RASGEF1A: variants seen among roughly 807,000 people sequenced by gnomAD.
RASGEF1A encodes RasGEF domain family member 1A.
Under a neutral mutation model 56.4 loss-of-function variants are expected in RASGEF1A, and 18 were observed. The ratio of observed to expected loss-of-function variants is 0.32; its 90% CI spans 0.22 to 0.47. The LOEUF (loss-of-function observed/expected upper bound fraction) is 0.47. Ranked by LOEUF, RASGEF1A falls within the 20% of genes least tolerant of loss-of-function variation. The pLI, the probability that RASGEF1A is intolerant of heterozygous loss-of-function variation, is 1.00. For synonymous variants in RASGEF1A, 245 were observed against 242.6 expected, an observed-to-expected ratio of 1.01 and a Z score of -0.09; for missense variants, 422 against 627.1, an observed-to-expected ratio of 0.67 and a Z score of 3.49.
intron 9 of RASGEF1A, 114 bp from the exon 10 acceptor site, chr10:43,198,309 G>C: frequency 1.0e-6 from 1 of 960,774 alleles, no homozygotes; most frequent in Admixed American, 2.9e-5. Flanking sequence ...CTGGCCCCTG[G>C]GCAGCCTGGG....
intron 1 of RASGEF1A, among the ~76,000 whole-genome samples, chr10:43,240,517 G>C (rs1414040089): frequency 6.6e-6 from 1 of 152,180 alleles, no homozygotes; most frequent in South Asian, 2.1e-4. Context: ...TATCAATAAA[G>C]GAATACAAAT....
intron 2 of RASGEF1A, 31 bp downstream of exon 2, chr10:43,205,888 A>T (rs777050814): frequency 1.3e-6 from 2 of 1,560,290 alleles, no homozygotes; most frequent in African/African-American, 2.7e-5. Context: ...TCACCCCATT[A>T]GTCTCACTCC....
At chr10:43,251,727 T>C (rs562456129) in intron 1 of RASGEF1A, among the ~76,000 whole-genome samples, 1 of 152,250 alleles carries the variant, frequency 6.6e-6, no homozygotes, top group Admixed American at 6.5e-5. Flanking sequence ...CGGTTGGGAA[T>C]CCACACTCTC....
intron 9 of RASGEF1A, 49 bp downstream of exon 9, chr10:43,198,884 G>C: frequency 6.4e-7 from 1 of 1,550,938 alleles, no homozygotes. Flanking sequence ...GGGCCATTGC[G>C]GGACGAAATG....
chr10:43,226,109 G>T (rs1840277215), intron 1 of RASGEF1A, among the ~76,000 whole-genome samples: 1 of 152,228 alleles, frequency 6.6e-6, no homozygotes, highest in Non-Finnish European at 1.5e-5. Flanking sequence ...GGTGCCAGGG[G>T]CCGCAGGGCC....
At chr10:43,243,413 G>A (rs1295694494) in intron 1 of RASGEF1A, among the ~76,000 whole-genome samples, 8 of 145,104 alleles carry the variant, frequency 5.5e-5, no homozygotes, top group East Asian at 2.1e-4. Flanking sequence ...TGGCCACCCC[G>A]CCTGGGAAGT....
intron 2 of RASGEF1A, 154 bp from the exon 3 acceptor site, chr10:43,203,574 G>C: frequency 2.3e-6 from 3 of 1,320,744 alleles, no homozygotes; most frequent in Middle Eastern, 2.8e-4. Flanking sequence ...CGCCTTGCAG[G>C]CCCTTCCTCC....
At chr10:43,202,795 C>G (rs540269047) in intron 3 of RASGEF1A, 6 of 447,842 alleles carry the variant, frequency 1.3e-5, no homozygotes. Context: ...ACCCACAGCT[C>G]CAGCCCAGAC....
At chr10:43,219,375 G>A (rs563386366) in intron 1 of RASGEF1A, among the ~76,000 whole-genome samples, 4 of 152,332 alleles carry the variant, frequency 2.6e-5, no homozygotes, top group East Asian at 3.9e-4. Flanking sequence ...AGGGTGCCAC[G>A]GAGGAGGGGG....
intron 1 of RASGEF1A, among the ~76,000 whole-genome samples, chr10:43,211,939 G>A (rs1190168068): frequency 6.6e-6 from 1 of 152,200 alleles, no homozygotes; most frequent in African/African-American, 2.4e-5. Flanking sequence ...AAGCTAGTGC[G>A]GTTGTGTGCC....
At chr10:43,232,311 C>G (rs1840380989) in intron 1 of RASGEF1A, among the ~76,000 whole-genome samples, 1 of 152,074 alleles carries the variant, frequency 6.6e-6, no homozygotes, top group African/African-American at 2.4e-5. Context: ...GGGGCACCTC[C>G]CCCTTCTCTC....
At chr10:43,222,294 C>T (rs746994108) in intron 1 of RASGEF1A, among the ~76,000 whole-genome samples, 2 of 152,212 alleles carry the variant, frequency 1.3e-5, no homozygotes, top group African/African-American at 2.4e-5. Context: ...CTCTCAGAAT[C>T]TCCAAAGTGG....
intron 4 of RASGEF1A, 126 bp from the exon 5 acceptor site, chr10:43,201,014 A>G (rs922352252): frequency 2.4e-6 from 2 of 817,008 alleles, no homozygotes; most frequent in Non-Finnish European, 3.9e-6. Flanking sequence ...CCCTATCTAA[A>G]CCGCAGCCTT....
intron 1 of RASGEF1A, 145 bp from the exon 2 acceptor site, chr10:43,206,267 TC>T: frequency 1.4e-6 from 1 of 706,936 alleles, no homozygotes; most frequent in Non-Finnish European, 2.3e-6. Context: ...GCACCCCCAT[TC>T]CAGGGCAGGG....
At chr10:43,222,460 C>T (rs1000626990) in intron 1 of RASGEF1A, among the ~76,000 whole-genome samples, 3 of 152,136 alleles carry the variant, frequency 2.0e-5, no homozygotes, top group African/African-American at 7.2e-5. Context: ...TCACCAATGG[C>T]CAATGATTCA....
chr10:43,241,855 T>C (rs754226684), intron 1 of RASGEF1A, among the ~76,000 whole-genome samples: 4 of 152,088 alleles, frequency 2.6e-5, no homozygotes, highest in African/African-American at 4.8e-5. Flanking sequence ...AGTGAAAATA[T>C]GGCCGGATGC....
At chr10:43,210,187 A>G (rs1229912023) in intron 1 of RASGEF1A, among the ~76,000 whole-genome samples, 1 of 152,230 alleles carries the variant, frequency 6.6e-6, no homozygotes, top group Non-Finnish European at 1.5e-5. Context: ...AACTCAGAGC[A>G]GGGGCCTGGT....
intron 1 of RASGEF1A, among the ~76,000 whole-genome samples, chr10:43,258,340 G>T (rs889443634): frequency 6.6e-6 from 1 of 152,192 alleles, no homozygotes; most frequent in Admixed American, 6.5e-5. Context: ...CTGAGGTGAG[G>T]GGGCTGTGGA....
At chr10:43,240,025 T>C (rs1840482572) in intron 1 of RASGEF1A, among the ~76,000 whole-genome samples, 1 of 152,232 alleles carries the variant, frequency 6.6e-6, no homozygotes, top group Non-Finnish European at 1.5e-5. Context: ...GCTGTGCACA[T>C]GCTCAGAAAA....
Sources: allele counts gnomAD v4.1 joint callset (sites outside exome capture counted in the v4.1 genomes callset), GRCh38; gene constraint gnomAD v4.1.1; transcripts MANE v1.5; gene names NCBI Gene and HGNC (gene_info 2026-07-23, HGNC 2026-07-21).